LILRA1: variants seen among roughly 807,000 people sequenced by gnomAD.
LILRA1 encodes the protein leukocyte immunoglobulin like receptor A1, also known as leukocyte immunoglobulin-like receptor subfamily A member 1.
LILRA1 carries 51 observed loss-of-function variants against 51.6 expected under a neutral mutation model. The ratio of observed to expected loss-of-function variants is 0.99; its 90% CI spans 0.79 to 1.25. The LOEUF is 1.25. Among genes scored for constraint, LILRA1 ranks in the 50% most tolerant of loss-of-function variants. The pLI is 0.00. For missense variants in LILRA1, 660 were observed against 611.7 expected (o/e 1.08, Z -0.83); for synonymous variants, 305 against 248.4 (o/e 1.23, Z -2.14).
rs776232642 is a variant in LILRA1, at chr19:54,595,166, C to A, written c.425C>A (p.Thr142Asn). Residue 142 changes from threonine to asparagine, a missense_variant, in exon 5 of 10, where the codon ACC becomes AAC. Coordinates refer to ENST00000251372, the MANE Select transcript of LILRA1 (RefSeq NM_006863.4). ...SPVVTSGGNV[T>N]LHCVSQVAFG... ...GTGGTGACCTCAGGAGGGAACGTGA[C>A]CCTCCATTGTGTCTCACAGGTGGCA... 7 of 1,614,034 alleles carry A rather than the reference C, an allele frequency of 4.3e-6. No individual in the cohort carries two copies. Among genetic ancestry groups the A allele is most frequent in the South Asian group, 1.1e-5 (1 of 91,088 alleles).
intron 9 of LILRA1, 71 bp downstream of exon 9, chr19:54,600,621 C>T: frequency 1.2e-6 from 2 of 1,611,522 alleles, no homozygotes; most frequent in African/African-American, 2.7e-5. Context: ...TAAGGAGGTG[C>T]TCTGGGTGGA....
chr19:54,599,967 T>C (rs111242005), intron 8 of LILRA1, among the ~76,000 whole-genome samples: 11 of 152,292 alleles, frequency 7.2e-5, no homozygotes, highest in African/African-American at 2.6e-4. Flanking sequence ...TGTGGGAAAC[T>C]GTATTGCATT....
rs1390042192 is a variant in LILRA1, at chr19:54,600,871, G to C, written c.*54G>C. On this transcript the variant is annotated 3_prime_UTR_variant, in exon 10 of 10. Coordinates refer to ENST00000251372, the MANE Select transcript of LILRA1 (RefSeq NM_006863.4). ...GAAGAATGTACCCTTCAGAGTGGTG[G>C]AGCCTTGGGAACAGATCTGATGATG... 6.3e-7 allele frequency: 1 copy of C among 1,595,474 alleles called. No individual in the cohort carries two copies. The highest frequency in any genetic ancestry group is 8.6e-7 in the Non-Finnish European group (1 of 1,163,154).
chr19:54,597,953 G>A (rs1300619903), intron 7 of LILRA1, among the ~76,000 whole-genome samples: 1 of 151,622 alleles, frequency 6.6e-6, no homozygotes, highest in African/African-American at 2.4e-5. Context: ...GGGGCCGTGT[G>A]AGCGGCACCC....
intron 9 of LILRA1, 21 bp downstream of exon 9, chr19:54,600,571 G>T: frequency 6.2e-7 from 1 of 1,614,034 alleles, no homozygotes; most frequent in Non-Finnish European, 8.5e-7. Context: ...AGATGCTCTC[G>T]TTTACGGTGC....
At chr19:54,600,395 G>A (rs2063142335) in intron 8 of LILRA1, 117 bp from the exon 9 acceptor site, 8 of 936,600 alleles carry the variant, frequency 8.5e-6, no homozygotes, top group Non-Finnish European at 1.2e-5. Flanking sequence ...TGCTACACAG[G>A]AAGGGTTTAT....
At chr19:54,597,150 A>T (rs1334676942) in intron 7 of LILRA1, among the ~76,000 whole-genome samples, 1 of 152,210 alleles carries the variant, frequency 6.6e-6, no homozygotes, top group African/African-American at 2.4e-5. Flanking sequence ...TCCTGACCCC[A>T]TGGGTGACAA....
At chr19:54,594,595 G>A in intron 3 of LILRA1, 70 bp from the exon 4 acceptor site, 1 of 1,602,520 alleles carries the variant, frequency 6.2e-7, no homozygotes, top group Non-Finnish European at 8.5e-7. Context: ...CATCTGGAGG[G>A]TCCTGGGCTG....
Position 54,596,509 on chromosome 19 carries a change from G to T in LILRA1, c.1261+18G>T. ...GGTCTCAGGTGAGGGCCCTGACCCTGTCCTCTCCGAGCTCAAAGGATCAGC... is the reference window on the plus strand; with the variant it reads ...GGTCTCAGGTGAGGGCCCTGACCCTTTCCTCTCCGAGCTCAAAGGATCAGC... On this transcript the variant is annotated intron_variant, in intron 7 of 9. Transcript: ENST00000251372. 6.2e-7 allele frequency: 1 copy of T among 1,613,968 alleles called. No individual in the cohort carries two copies. The highest frequency in any genetic ancestry group is 8.5e-7 in the Non-Finnish European group (1 of 1,179,950).
chr19:54,598,858 A>T (rs1286417142), intron 7 of LILRA1, among the ~76,000 whole-genome samples: 1 of 152,060 alleles, frequency 6.6e-6, no homozygotes, highest in African/African-American at 2.4e-5. Flanking sequence ...TGCAGTGGTG[A>T]AATCTTGGCT....
intron 7 of LILRA1, among the ~76,000 whole-genome samples, chr19:54,597,877 C>A (rs1234179316): frequency 1.3e-5 from 2 of 151,524 alleles, no homozygotes; most frequent in African/African-American, 4.8e-5. Context: ...TGCCAGGGAG[C>A]AAGTGCACGG....
chr19:54,598,306 T>C (rs190441209), intron 7 of LILRA1, among the ~76,000 whole-genome samples: 1 of 152,364 alleles, frequency 6.6e-6, no homozygotes, highest in East Asian at 1.9e-4. Context: ...GGGCTTGATT[T>C]AATTTATATA....
intron 7 of LILRA1, among the ~76,000 whole-genome samples, chr19:54,596,951 G>A (rs1056477319): frequency 2.6e-5 from 4 of 152,086 alleles, no homozygotes; most frequent in Non-Finnish European, 5.9e-5. Context: ...GAAATAGACG[G>A]GGCCTCCCAC....
Position 54,601,947 on chromosome 19 carries a change from T to C in LILRA1, c.*1130T>C, listed in dbSNP as rs2063167650. 1 of 152,154 alleles carries C rather than the reference T, an allele frequency of 6.6e-6. No homozygotes were observed. The highest frequency in any genetic ancestry group is 2.1e-4 in the South Asian group (1 of 4,826). The allele number at this position is 152,154 out of a possible 1,614,324, so 9.4% of individuals were successfully genotyped here. Reference sequence around the variant, plus strand: ...TAGGATGGAATATTTGGAGGGAGGATCCTGAAAAACATGAGGGATCAAATA... The same window carrying C: ...TAGGATGGAATATTTGGAGGGAGGACCCTGAAAAACATGAGGGATCAAATA... On this transcript the variant is annotated 3_prime_UTR_variant, in exon 10 of 10. Coordinates refer to ENST00000251372, the MANE Select transcript of LILRA1 (RefSeq NM_006863.4).
chr19:54,600,905 T>C lies in LILRA1; in HGVS notation c.*88T>C. On this transcript the variant is annotated 3_prime_UTR_variant, in exon 10 of 10. Coordinates refer to ENST00000251372, the MANE Select transcript of LILRA1 (RefSeq NM_006863.4). The stretch of plus-strand genomic sequence containing the variant: ...GAACAGATCTGATGATGCCAGGAGG[T>C]TCCGGGAGACAATTTAGGGCTGATG... The C allele has an allele frequency of 6.8e-7, 1 of 1,473,192 alleles. No individual in the cohort carries two copies. Among genetic ancestry groups the C allele is most frequent in the Non-Finnish European group, 9.5e-7 (1 of 1,052,440 alleles). 91.3% of individuals were successfully genotyped at this position (1,473,192 alleles called of 1,614,324 possible). A position where few individuals can be genotyped will look rare whatever the true frequency, so the allele number is the denominator to read the frequency against.
At chr19:54,599,596 T>C in intron 8 of LILRA1, 1 of 1,102,692 alleles carries the variant, frequency 9.1e-7, no homozygotes, top group Non-Finnish European at 1.1e-6. Context: ...ACAATTTGTA[T>C]AAACCGTAAG....
intron 5 of LILRA1, 66 bp from the exon 6 acceptor site, chr19:54,595,573 G>A: frequency 3.8e-6 from 6 of 1,561,342 alleles, no homozygotes; most frequent in Non-Finnish European, 4.3e-6. Context: ...AGGCCCCGGG[G>A]GAGAGGGAGG....
intron 3 of LILRA1, 22 bp from the exon 4 acceptor site, chr19:54,594,643 C>G (rs1187174972): frequency 2.5e-6 from 4 of 1,610,894 alleles, no homozygotes; most frequent in Non-Finnish European, 3.4e-6. Flanking sequence ...GACTTAGAAT[C>G]TGAACTCTGA....
intron 7 of LILRA1, among the ~76,000 whole-genome samples, chr19:54,596,724 A>G (rs8101951): frequency 0.17 from 26,270 of 152,022 alleles, 3,576 homozygotes; most frequent in African/African-American, 0.38. Flanking sequence ...AAAATTAGCC[A>G]AGCGTGGTGG....
Sources: allele counts gnomAD v4.1 joint callset (sites outside exome capture counted in the v4.1 genomes callset), GRCh38; gene constraint gnomAD v4.1.1; transcripts MANE v1.5; gene names NCBI Gene and HGNC (gene_info 2026-07-23, HGNC 2026-07-21).